Variants in FRMD4A observed in about 807,000 individuals in gnomAD.
The protein encoded by FRMD4A is FERM domain containing 4A.
FRMD4A carries 29 observed loss-of-function variants against 129.1 expected under a neutral mutation model. The ratio of observed to expected loss-of-function variants is 0.22; its 90% CI spans 0.17 to 0.31. The LOEUF is 0.31. FRMD4A is among the 10% of genes least tolerant of loss of function. The pLI is 1.00. For synonymous variants in FRMD4A, 634 were observed against 571.6 expected (o/e 1.11, Z -1.56); for missense variants, 1,272 against 1,375.8 (o/e 0.92, Z 1.19).
chr10:13,846,226 T>C (rs1446314647), intron 3 of FRMD4A, among the ~76,000 whole-genome samples: 1 of 152,254 alleles, frequency 6.6e-6, no homozygotes. Flanking sequence ...TCAGGTTCAA[T>C]CTATTAGGTT....
intron 6 of FRMD4A, among the ~76,000 whole-genome samples, chr10:13,777,791 A>ATTT (rs34059772): frequency 0.011 from 929 of 85,880 alleles, 12 homozygotes; most frequent in Non-Finnish European, 0.014. Flanking sequence ...CTTTGGGTCA[A>ATTT]TTTTTTTTTT....
chr10:13,887,306 C>A (rs944647864), intron 2 of FRMD4A, among the ~76,000 whole-genome samples: 1 of 152,212 alleles, frequency 6.6e-6, no homozygotes, highest in Non-Finnish European at 1.5e-5. Context: ...GACTTTTATT[C>A]TTAGCAGTGA....
chr10:14,235,477 C>G (rs1490918619), intron 2 of FRMD4A, among the ~76,000 whole-genome samples: 5 of 152,134 alleles, frequency 3.3e-5, no homozygotes, highest in African/African-American at 4.8e-5. Context: ...ACACACTCCC[C>G]TCTGCACTGC....
intron 2 of FRMD4A, among the ~76,000 whole-genome samples, chr10:14,148,739 G>A (rs1205921123): frequency 1.3e-5 from 2 of 151,386 alleles, no homozygotes; most frequent in Non-Finnish European, 2.9e-5. Context: ...TCCAGCCTAG[G>A]TGACAGAGCG....
chr10:14,323,899 T>C (rs1843163306), intron 2 of FRMD4A, among the ~76,000 whole-genome samples: 1 of 152,158 alleles, frequency 6.6e-6, no homozygotes. Context: ...TAAGAACAAG[T>C]AACCCTAGAG....
chr10:14,012,561 A>C (rs569514584), intron 2 of FRMD4A, among the ~76,000 whole-genome samples: 1 of 152,242 alleles, frequency 6.6e-6, no homozygotes, highest in East Asian at 1.9e-4. Flanking sequence ...GTGATAATGG[A>C]GGCAGCAGCA....
chr10:14,185,499 T>TCC (rs1398060401), intron 2 of FRMD4A, among the ~76,000 whole-genome samples: 1 of 151,994 alleles, frequency 6.6e-6, no homozygotes, highest in Non-Finnish European at 1.5e-5. Flanking sequence ...TTTTCTAACT[T>TCC]CAAGTATTTT....
At chr10:13,950,523 T>C (rs1470468687) in intron 2 of FRMD4A, among the ~76,000 whole-genome samples, 12 of 152,162 alleles carry the variant, frequency 7.9e-5, no homozygotes, top group Non-Finnish European at 2.9e-5. Flanking sequence ...TGTAAAAAAA[T>C]GCCATGACAA....
intron 2 of FRMD4A, among the ~76,000 whole-genome samples, chr10:14,241,683 TAAAAAAAAAA>T (rs71388168): frequency 1.4e-3 from 33 of 23,416 alleles, no homozygotes; most frequent in Non-Finnish European, 1.8e-3. Context: ...TTACCCTCCC[TAAAAAAAAAA>T]AAAAAAAAAA....
Position 14,329,047 on chromosome 10 carries a change from A to C in FRMD4A, c.45+1011T>G, listed in dbSNP as rs1318371111. On this transcript the variant is annotated intron_variant, in intron 2 of 24. Transcript: ENST00000357447. ...CAAGATATCTGTTCCTTTTAACATGACCTGGCTTGCCACCCAGGGGGCAGG... is the reference window on the plus strand; with the variant it reads ...CAAGATATCTGTTCCTTTTAACATGCCCTGGCTTGCCACCCAGGGGGCAGG... Among the ~76,000 whole-genome samples, 5 of 152,254 alleles carry C rather than the reference A, an allele frequency of 3.3e-5. No homozygotes were observed. In the East Asian group the frequency reaches 5.8e-4, roughly 18 times the overall value.
At chr10:14,213,371 A>T (rs1334964173) in intron 2 of FRMD4A, among the ~76,000 whole-genome samples, 1 of 152,200 alleles carries the variant, frequency 6.6e-6, no homozygotes. Flanking sequence ...TAAAAGCATG[A>T]TCTTGTTTAA....
intron 12 of FRMD4A, among the ~76,000 whole-genome samples, chr10:13,731,375 G>A (rs372247936): frequency 5.6e-4 from 85 of 152,116 alleles, no homozygotes; most frequent in Admixed American, 2.3e-3. Flanking sequence ...TTGGCCGGGC[G>A]CAGTGGCTCA....
At chr10:13,884,154 T>TCACCCACACACACA (rs1564970810) in intron 2 of FRMD4A, among the ~76,000 whole-genome samples, 1 of 111,158 alleles carries the variant, frequency 9.0e-6, no homozygotes, top group Admixed American at 9.6e-5. Context: ...TCTCACACAC[T>TCACCCACACACACA]CTCACACACA....
chr10:14,263,444 T>A (rs1028774065), intron 2 of FRMD4A, among the ~76,000 whole-genome samples: 1 of 152,178 alleles, frequency 6.6e-6, no homozygotes, highest in Non-Finnish European at 1.5e-5. Context: ...TTTTTTTAAT[T>A]TCAAGAAGTG....
intron 19 of FRMD4A, among the ~76,000 whole-genome samples, chr10:13,662,995 G>A (rs2082749612): frequency 6.6e-6 from 1 of 151,130 alleles, no homozygotes. Context: ...TGGGTCGCTT[G>A]AACCCAGGAG....
intron 4 of FRMD4A, among the ~76,000 whole-genome samples, chr10:13,807,898 A>G (rs1727122325): frequency 6.6e-6 from 1 of 151,388 alleles, no homozygotes; most frequent in South Asian, 2.1e-4. Context: ...TCCCGGGTTC[A>G]AGCGATTCTT....
At chr10:14,182,744 A>C (rs1217669912) in intron 2 of FRMD4A, among the ~76,000 whole-genome samples, 1 of 152,204 alleles carries the variant, frequency 6.6e-6, no homozygotes, top group African/African-American at 2.4e-5. Context: ...TGAGGTTACC[A>C]GTGTGAAGAG....
intron 15 of FRMD4A, chr10:13,684,559 C>T: frequency 2.0e-6 from 2 of 985,484 alleles, no homozygotes; most frequent in Non-Finnish European, 2.4e-6. Context: ...CATGGAAGGA[C>T]AGCCTCTTTC....
At chr10:14,116,538 G>A (rs1393785435) in intron 2 of FRMD4A, among the ~76,000 whole-genome samples, 1 of 152,184 alleles carries the variant, frequency 6.6e-6, no homozygotes, top group East Asian at 1.9e-4. Context: ...AAAAAGGCTT[G>A]ACAGCTGAGA....
Sources: gnomAD v4.1 joint callset for allele counts (sites outside exome capture counted in the v4.1 genomes callset) on GRCh38, gnomAD v4.1.1 for gene constraint, MANE v1.5 for transcripts, NCBI Gene and HGNC (gene_info 2026-07-23, HGNC 2026-07-21) for gene names.